The following KCNAB1 variants were observed in gnomAD, a reference collection of about 807,000 sequenced individuals.
KCNAB1 encodes the protein voltage-gated potassium channel subunit beta-1.
In KCNAB1, 35 loss-of-function variants were observed where a neutral mutation model predicts 64.6. The observed-to-expected ratio is 0.54, with a 90% CI of 0.41 to 0.72. The LOEUF (loss-of-function observed/expected upper bound fraction) is 0.72. KCNAB1 is among the 30% of genes least tolerant of loss of function. KCNAB1 has a pLI of 0.00. For synonymous variants in KCNAB1, 177 were observed against 183.8 expected, an observed-to-expected ratio of 0.96 and a Z score of 0.30; for missense variants, 401 against 512.9, an observed-to-expected ratio of 0.78 and a Z score of 2.11.
chr3:156,526,106 G>C (rs1446085573), intron 12 of KCNAB1, among the ~76,000 whole-genome samples: 1 of 152,094 alleles, frequency 6.6e-6, no homozygotes, highest in Non-Finnish European at 1.5e-5. Context: ...TCTATGTTTA[G>C]ATACACAACA....
At chr3:156,397,452 C>T (rs189380949) in intron 1 of KCNAB1, among the ~76,000 whole-genome samples, 1 of 152,292 alleles carries the variant, frequency 6.6e-6, no homozygotes, top group African/African-American at 2.4e-5. Context: ...GGAAGAAAGA[C>T]CTCAGGAATG....
rs147202221 is a variant in KCNAB1, at chr3:156,171,187, G to GCACACACACACACACACACA, written c.275+50307_275+50308insCACACACACACACACACACA. On this transcript the variant is annotated intron_variant, in intron 1 of 13. Coordinates refer to ENST00000490337, the MANE Select transcript of KCNAB1 (RefSeq NM_172160.3). ...ACCGGCTTATAGTTAGAAACTTCAC[G>GCACACACACACACACACACA]CACACATACACACACACACACACAC... 4.9e-4 allele frequency among the ~76,000 whole-genome samples: 70 copies of GCACACACACACACACACACA among 142,728 alleles called. 1 individual carries two copies. The highest frequency in any genetic ancestry group is 9.8e-4 in the Admixed American group (14 of 14,292). The allele number at this position is 142,728 out of a possible 152,430, so 93.6% of individuals were successfully genotyped here. A position where few individuals can be genotyped will look rare whatever the true frequency, so the allele number is the denominator to read the frequency against.
At chr3:156,466,223 G>A (rs1185297052) in intron 7 of KCNAB1, among the ~76,000 whole-genome samples, 2 of 151,992 alleles carry the variant, frequency 1.3e-5, no homozygotes, top group Non-Finnish European at 2.9e-5. Context: ...TCATGTAAAT[G>A]AGATCTCATG....
chr3:156,291,258 G>A (rs1415702643), intron 1 of KCNAB1: 5 of 986,746 alleles, frequency 5.1e-6, no homozygotes. Flanking sequence ...TTTCGCTCGA[G>A]AATGAGTGGG....
intron 1 of KCNAB1, among the ~76,000 whole-genome samples, chr3:156,297,310 T>G (rs1720863391): frequency 7.4e-6 from 1 of 135,048 alleles, no homozygotes. Flanking sequence ...TACAGGGAAG[T>G]GGTGAGAAAG....
intron 4 of KCNAB1, among the ~76,000 whole-genome samples, chr3:156,459,355 A>G (rs1013028099): frequency 2.6e-5 from 4 of 152,164 alleles, no homozygotes; most frequent in African/African-American, 7.2e-5. Flanking sequence ...AGTGTTCTCT[A>G]TGTGGGACAT....
intron 1 of KCNAB1, among the ~76,000 whole-genome samples, chr3:156,290,468 A>C (rs1265753648): frequency 1.3e-5 from 2 of 152,238 alleles, no homozygotes; most frequent in Non-Finnish European, 2.9e-5. Context: ...ATACATTTCA[A>C]ATGGAAAGTA....
chr3:156,372,307 T>C (rs372383236), intron 1 of KCNAB1, among the ~76,000 whole-genome samples: 3 of 152,250 alleles, frequency 2.0e-5, no homozygotes, highest in Admixed American at 2.0e-4. Context: ...AGTTACTTAA[T>C]ATCTCTATCC....
rs565501117 is a variant in KCNAB1 at position 156,538,080 on chromosome 3, T to G, written c.*1333T>G. 1 of 152,128 alleles carries G rather than the reference T, an allele frequency of 6.6e-6. No homozygotes were observed. The highest frequency in any genetic ancestry group is 1.9e-4 in the East Asian group (1 of 5,206). The allele number at this position is 152,128 out of a possible 1,614,324, so 9.4% of individuals were successfully genotyped here. A position where few individuals can be genotyped will look rare whatever the true frequency, so the allele number is the denominator to read the frequency against. ...TATTGGCTACTTACCCTCATTAATA[T>G]CCCACTTGAGAAAAATTGTGAGACT... On this transcript the variant is annotated 3_prime_UTR_variant, in exon 14 of 14. Coordinates refer to ENST00000490337, the MANE Select transcript of KCNAB1 (RefSeq NM_172160.3).
At chr3:156,473,746 A>G (rs1466235909) in intron 7 of KCNAB1, among the ~76,000 whole-genome samples, 1 of 152,196 alleles carries the variant, frequency 6.6e-6, no homozygotes, top group Non-Finnish European at 1.5e-5. Context: ...AATTTATAAG[A>G]GCCTCATTTA....
At chr3:156,222,250 A>G (rs1317723883) in intron 1 of KCNAB1, among the ~76,000 whole-genome samples, 1 of 152,212 alleles carries the variant, frequency 6.6e-6, no homozygotes, top group Non-Finnish European at 1.5e-5. Flanking sequence ...TTCCCTGCAA[A>G]TGGACACTAA....
intron 2 of KCNAB1, among the ~76,000 whole-genome samples, chr3:156,438,130 T>C (rs1439541231): frequency 1.3e-5 from 2 of 152,212 alleles, no homozygotes; most frequent in Non-Finnish European, 2.9e-5. Flanking sequence ...ATCACTGGCC[T>C]GGATAAGGAG....
chr3:156,157,624 A>G (rs1715798940), intron 1 of KCNAB1, among the ~76,000 whole-genome samples: 1 of 152,158 alleles, frequency 6.6e-6, no homozygotes, highest in African/African-American at 2.4e-5. Flanking sequence ...CAGAAATTCT[A>G]TTTGCTTGAG....
intron 4 of KCNAB1, among the ~76,000 whole-genome samples, chr3:156,458,529 T>G (rs1010874109): frequency 3.9e-5 from 6 of 152,236 alleles, no homozygotes; most frequent in African/African-American, 1.4e-4. Flanking sequence ...GATCAGTGGA[T>G]GGTCCCAGTG....
At chr3:156,391,298 A>G (rs1300425415) in intron 1 of KCNAB1, among the ~76,000 whole-genome samples, 2 of 152,210 alleles carry the variant, frequency 1.3e-5, no homozygotes, top group African/African-American at 4.8e-5. Flanking sequence ...GGATAATTAT[A>G]TCTACATCCG....
intron 1 of KCNAB1, among the ~76,000 whole-genome samples, chr3:156,131,550 C>A (rs1411498018): frequency 6.6e-6 from 1 of 152,148 alleles, no homozygotes; most frequent in Non-Finnish European, 1.5e-5. Flanking sequence ...AAATAAAGTG[C>A]ATTGTTTTTA....
intron 1 of KCNAB1, among the ~76,000 whole-genome samples, chr3:156,385,362 T>C (rs1258869587): frequency 6.6e-6 from 1 of 152,102 alleles, no homozygotes; most frequent in Non-Finnish European, 1.5e-5. Flanking sequence ...TTTAAGTCTA[T>C]TAGCTTAGAA....
intron 1 of KCNAB1, among the ~76,000 whole-genome samples, chr3:156,147,813 G>A (rs1455553712): frequency 6.6e-6 from 1 of 152,108 alleles, no homozygotes; most frequent in East Asian, 1.9e-4. Flanking sequence ...TCTAGCATGA[G>A]GTTGCACTTC....
chr3:156,255,292 A>G (rs1188733213), intron 1 of KCNAB1, among the ~76,000 whole-genome samples: 2 of 152,208 alleles, frequency 1.3e-5, no homozygotes, highest in African/African-American at 4.8e-5. Context: ...GGTTGAAGTG[A>G]TTTAATGTGG....
Sources: gnomAD v4.1 joint callset for allele counts (sites outside exome capture counted in the v4.1 genomes callset) on GRCh38, gnomAD v4.1.1 for gene constraint, MANE v1.5 for transcripts, NCBI Gene and HGNC (gene_info 2026-07-23, HGNC 2026-07-21) for gene names.